PLGRKT: variants seen among roughly 807,000 people sequenced by gnomAD.
PLGRKT encodes plasminogen receptor (KT).
A neutral mutation model predicts 18.5 loss-of-function variants in PLGRKT; 22 were observed. That is an observed-to-expected ratio of 1.19 (90% CI 0.85 to 1.70). PLGRKT has a LOEUF of 1.70. Ranked by LOEUF, PLGRKT falls within the 40% of genes most tolerant of loss-of-function variation. PLGRKT has a pLI of 0.00. For synonymous variants in PLGRKT, 72 were observed against 52.8 expected (o/e 1.36, Z -1.58); for missense variants, 235 against 174.4 (o/e 1.35, Z -1.96).
chr9:5,380,268 G>C (rs1028106945), intron 3 of PLGRKT, among the ~76,000 whole-genome samples: 4 of 151,724 alleles, frequency 2.6e-5, no homozygotes, highest in Non-Finnish European at 4.4e-5. Flanking sequence ...GGGAGGCTGA[G>C]GCAGCAGAAT....
At position 5,362,103 on chromosome 9, in the gene PLGRKT, T is replaced by C. The variant is rs187197365; in HGVS notation, c.82-215A>G. On this transcript the variant is annotated intron_variant, in intron 3 of 5. Coordinates refer to ENST00000223864, the MANE Select transcript of PLGRKT (RefSeq NM_018465.4). ...CTTCCTGGAATAAATACAGAATAAA[T>C]ATCAATATTCCATTTTTACACCCTG... 3.4e-3 allele frequency among the ~76,000 whole-genome samples: 524 copies of C among 152,328 alleles called. 3 individuals are homozygous for C. The highest frequency in any genetic ancestry group is 0.012 in the African/African-American group (497 of 41,572).
At position 5,437,913 on chromosome 9, in the gene PLGRKT, G is replaced by A. The variant is rs544682797; in HGVS notation, c.-257C>T. ...TCGGGATTGGCGCCCAGACACAGTAGATGACGCACCTCAGCCAATTCGCGC... is the reference window on the plus strand; with the variant it reads ...TCGGGATTGGCGCCCAGACACAGTAAATGACGCACCTCAGCCAATTCGCGC... On this transcript the variant is annotated 5_prime_UTR_variant, in exon 1 of 6. Transcript: ENST00000223864. 2.6e-5 allele frequency: 4 copies of A among 152,314 alleles called. No individual in the cohort carries two copies. The highest frequency in any genetic ancestry group is 9.6e-5 in the African/African-American group (4 of 41,472). 9.4% of individuals were successfully genotyped at this position (152,314 alleles called of 1,614,324 possible). A position where few individuals can be genotyped will look rare whatever the true frequency, so the allele number is the denominator to read the frequency against.
intron 3 of PLGRKT, among the ~76,000 whole-genome samples, chr9:5,410,386 C>G (rs1187634894): frequency 6.6e-6 from 1 of 150,748 alleles, no homozygotes; most frequent in Non-Finnish European, 1.5e-5. Flanking sequence ...AAAAAAAGTT[C>G]AAAAATTAGC....
chr9:5,428,779 C>T lies in PLGRKT; in HGVS notation c.81+3118G>A, dbSNP rs147631902. On this transcript the variant is annotated intron_variant, in intron 3 of 5. Transcript: ENST00000223864. ...GTGGTATGATCACAGCTCACTGCAG[C>T]CTTGACCTTCCTGGGCTCAAGCAAT... 3.3e-5 allele frequency among the ~76,000 whole-genome samples: 5 copies of T among 152,292 alleles called. No homozygotes were observed. The South Asian group carries it at 1.0e-3, about 32-fold the overall frequency.
chr9:5,435,321 TAAAAAA>T (rs61099125), intron 2 of PLGRKT, among the ~76,000 whole-genome samples: 1 of 127,776 alleles, frequency 7.8e-6, no homozygotes, highest in Non-Finnish European at 1.6e-5. Context: ...CAATAAATAC[TAAAAAA>T]AAAAAAAAAA....
intron 3 of PLGRKT, among the ~76,000 whole-genome samples, chr9:5,371,955 G>C (rs1817526255): frequency 1.4e-5 from 2 of 140,982 alleles, no homozygotes; most frequent in African/African-American, 5.4e-5. Flanking sequence ...TTGGAACCAA[G>C]ACGTGCTGCA....
At chr9:5,409,475 C>G (rs369280779) in intron 3 of PLGRKT, among the ~76,000 whole-genome samples, 229 of 152,312 alleles carry the variant, frequency 1.5e-3, no homozygotes, top group Middle Eastern at 6.8e-3. Context: ...TGCTCCTTAG[C>G]CTGCAGATGG....
At chr9:5,430,504 G>T (rs1818801808) in intron 3 of PLGRKT, among the ~76,000 whole-genome samples, 1 of 152,184 alleles carries the variant, frequency 6.6e-6, no homozygotes, top group South Asian at 2.1e-4. Context: ...AGTAACAACA[G>T]CAACAAATAT....
chr9:5,363,027 C>G (rs10435812), intron 3 of PLGRKT, among the ~76,000 whole-genome samples: 31,489 of 151,790 alleles, frequency 0.21, 3,450 homozygotes, highest in South Asian at 0.28. Context: ...AGGAAGTCTG[C>G]AAGGTTCTCA....
intron 3 of PLGRKT, among the ~76,000 whole-genome samples, chr9:5,387,654 G>C (rs1420471978): frequency 2.2e-5 from 3 of 137,980 alleles, no homozygotes; most frequent in Non-Finnish European, 4.7e-5. Flanking sequence ...GAGAGAGGCG[G>C]GAGGAAGCCT....
chr9:5,423,995 ATATG>A (rs907085728), intron 3 of PLGRKT, among the ~76,000 whole-genome samples: 11 of 137,416 alleles, frequency 8.0e-5, no homozygotes, highest in African/African-American at 2.6e-4. Context: ...TATGTAATAT[ATATG>A]TATTTATTTC....
At position 5,415,996 on chromosome 9, in the gene PLGRKT, T is replaced by C. The variant is rs549845468; in HGVS notation, c.81+15901A>G. 2.6e-5 allele frequency among the ~76,000 whole-genome samples: 4 copies of C among 152,116 alleles called. No individual in the cohort carries two copies. The South Asian group carries it at 6.2e-4, about 24-fold the overall frequency. Reference sequence around the variant, plus strand: ...GTGGTTAATAGTATTATACCAATATTAATCTCCTGGTTTTGATCATTGTAC... The same window carrying C: ...GTGGTTAATAGTATTATACCAATATCAATCTCCTGGTTTTGATCATTGTAC... On this transcript the variant is annotated intron_variant, in intron 3 of 5. Coordinates refer to ENST00000223864, the MANE Select transcript of PLGRKT (RefSeq NM_018465.4).
In PLGRKT at chr9:5,418,531, A is replaced by T; in HGVS notation, c.81+13366T>A. 1 of 950,078 alleles carries T rather than the reference A, an allele frequency of 1.1e-6. No individual in the cohort carries two copies. Among genetic ancestry groups the T allele is most frequent in the Non-Finnish European group, 1.7e-6 (1 of 584,624 alleles). 58.9% of individuals were successfully genotyped at this position (950,078 alleles called of 1,614,324 possible). ...CCGCCTGTCCTGCTCCTCCTCCGCC[A>T]CCCCCTGGGGAGCCCTGCCTTGCAG... On this transcript the variant is annotated intron_variant, in intron 3 of 5. Coordinates refer to ENST00000223864, the MANE Select transcript of PLGRKT (RefSeq NM_018465.4). This position sits in a 1 kb window ranked among gnomAD's most constrained non-coding sequence, Gnocchi z 4.2.
chr9:5,389,214 T>A (rs959343640), intron 3 of PLGRKT, among the ~76,000 whole-genome samples: 2 of 151,832 alleles, frequency 1.3e-5, no homozygotes, highest in Middle Eastern at 3.2e-3. Flanking sequence ...CAGGCAACAG[T>A]GAAAAATAGT....
chr9:5,432,132 C>A (rs1586748676), intron 2 of PLGRKT, 149 bp from the exon 3 acceptor site: 1 of 575,396 alleles, frequency 1.7e-6, no homozygotes, highest in Non-Finnish European at 3.1e-6. Context: ...CTAGTTCTTG[C>A]TCCTAACTAG....
At chr9:5,378,893 A>G (rs1287413553) in intron 3 of PLGRKT, among the ~76,000 whole-genome samples, 2 of 152,204 alleles carry the variant, frequency 1.3e-5, no homozygotes, top group Non-Finnish European at 2.9e-5. Flanking sequence ...GTATCTGTAT[A>G]GCCAATAAAT....
chr9:5,407,924 G>C (rs918763273), intron 3 of PLGRKT, among the ~76,000 whole-genome samples: 1 of 152,162 alleles, frequency 6.6e-6, no homozygotes, highest in African/African-American at 2.4e-5. Context: ...AGCATTTAAT[G>C]CTGCCATTTT....
intron 3 of PLGRKT, among the ~76,000 whole-genome samples, chr9:5,408,521 C>A (rs754266235): frequency 1.3e-5 from 2 of 152,172 alleles, no homozygotes; most frequent in Non-Finnish European, 2.9e-5. Flanking sequence ...GGCTCATATG[C>A]ACAAGCAAAG....
intron 3 of PLGRKT, among the ~76,000 whole-genome samples, chr9:5,390,007 AG>A (rs1451206998): frequency 1.3e-5 from 2 of 151,752 alleles, no homozygotes; most frequent in East Asian, 3.9e-4. Flanking sequence ...CATGTCCAGA[AG>A]CACCAGGAAG....
Sources: allele counts gnomAD v4.1 joint callset (sites outside exome capture counted in the v4.1 genomes callset), GRCh38; gene constraint gnomAD v4.1.1; non-coding constraint Gnocchi (gnomAD v3.1); transcripts MANE v1.5; gene names NCBI Gene and HGNC (gene_info 2026-07-23, HGNC 2026-07-21).